UNC5C: variants seen among roughly 807,000 people sequenced by gnomAD.
UNC5C encodes the protein unc-5 netrin receptor C.
UNC5C carries 47 observed loss-of-function variants against 99.8 expected under a neutral mutation model. The ratio of observed to expected loss-of-function variants is 0.47; its 90% CI spans 0.37 to 0.60. The LOEUF (loss-of-function observed/expected upper bound fraction) is 0.60. UNC5C is among the 20% of genes least tolerant of loss of function. The pLI is 0.00. For missense variants in UNC5C, 1,062 were observed against 1,165.9 expected (o/e 0.91, Z 1.30); for synonymous variants, 487 against 452.2 (o/e 1.08, Z -0.98).
intron 12 of UNC5C, among the ~76,000 whole-genome samples, chr4:95,197,848 A>G (rs1269616820): frequency 6.6e-6 from 1 of 152,078 alleles, no homozygotes; most frequent in African/African-American, 2.4e-5. Flanking sequence ...CCTTGGTTAT[A>G]AATTAGAAAA....
chr4:95,495,578 T>C (rs959971344), intron 1 of UNC5C, among the ~76,000 whole-genome samples: 11 of 151,680 alleles, frequency 7.3e-5, no homozygotes, highest in African/African-American at 2.2e-4. Flanking sequence ...TTTCTCTGAA[T>C]CTTCACAACA....
intron 7 of UNC5C, among the ~76,000 whole-genome samples, chr4:95,241,195 G>T (rs1226780555): frequency 6.6e-6 from 1 of 152,150 alleles, no homozygotes; most frequent in Non-Finnish European, 1.5e-5. Flanking sequence ...TAGCAAAGCC[G>T]ATTTTCATTT....
At chr4:95,322,539 A>T (rs6831037) in intron 2 of UNC5C, among the ~76,000 whole-genome samples, 1 of 152,202 alleles carries the variant, frequency 6.6e-6, no homozygotes, top group South Asian at 2.1e-4. Context: ...GAGATTACAT[A>T]TATTATATAT....
intron 14 of UNC5C, among the ~76,000 whole-genome samples, chr4:95,180,695 G>A (rs935365892): frequency 6.6e-5 from 10 of 152,178 alleles, no homozygotes; most frequent in African/African-American, 2.4e-4. Context: ...GGGCTGTGTA[G>A]CTTTATAAAT....
At chr4:95,304,355 G>T (rs7683529) in intron 2 of UNC5C, among the ~76,000 whole-genome samples, 126,541 of 151,890 alleles carry the variant, frequency 0.83, 52,950 homozygotes, top group African/African-American at 0.9. Context: ...AAGATTAGTA[G>T]ATTATGTTAG....
chr4:95,302,524 T>C (rs886954191), intron 2 of UNC5C, among the ~76,000 whole-genome samples: 2 of 152,202 alleles, frequency 1.3e-5, no homozygotes, highest in African/African-American at 4.8e-5. Context: ...ACATTCATTC[T>C]TCAATGTGCC....
At chr4:95,223,862 T>C (rs1280380185) in intron 7 of UNC5C, among the ~76,000 whole-genome samples, 1 of 152,104 alleles carries the variant, frequency 6.6e-6, no homozygotes, top group Non-Finnish European at 1.5e-5. Context: ...AATGCCATCT[T>C]CCTGGAAGTG....
intron 1 of UNC5C, among the ~76,000 whole-genome samples, chr4:95,435,182 GAT>G (rs1746741192): frequency 6.6e-6 from 1 of 152,076 alleles, no homozygotes; most frequent in East Asian, 1.9e-4. Flanking sequence ...TCCCAATTCT[GAT>G]ATCCCTTTCA....
At chr4:95,277,325 A>G (rs1270104778) in intron 4 of UNC5C, among the ~76,000 whole-genome samples, 1 of 152,214 alleles carries the variant, frequency 6.6e-6, no homozygotes, top group Non-Finnish European at 1.5e-5. Flanking sequence ...TTGGAGGCCA[A>G]CAAGGACCAC....
intron 1 of UNC5C, among the ~76,000 whole-genome samples, chr4:95,478,386 C>T (rs1451406689): frequency 6.6e-6 from 1 of 152,000 alleles, no homozygotes; most frequent in East Asian, 1.9e-4. Flanking sequence ...TCAACAATCT[C>T]TCAATCTCTA....
chr4:95,202,798 A>G lies in UNC5C; in HGVS notation c.2069T>C (p.Leu690Pro), dbSNP rs1423412479. 8 of 1,614,236 alleles carry G rather than the reference A, an allele frequency of 5.0e-6. No homozygotes were observed. In the Middle Eastern group the frequency reaches 4.9e-4, roughly 100 times the overall value. ...KRLKLAIFGP[L>P]CCSSLEYSIR... ...GCTGTACTCCAGCGAGGAGCAGCAC[A>G]GGGGCCCAAAGATGGCCAGCTTGAG... The change falls in exon 12 of 16, where the codon CTG (leucine) becomes CCG (proline). Residue 690 changes from leucine to proline, a missense_variant. Physicochemically the swap from Leu to Pro is moderately conservative, Grantham distance 98. This residue lies in a region of UNC5C where 810 missense variants were observed against 854.5 expected (regional missense o/e 0.95). Coordinates refer to ENST00000453304, the MANE Select transcript of UNC5C (RefSeq NM_003728.4).
intron 1 of UNC5C, among the ~76,000 whole-genome samples, chr4:95,466,933 A>G (rs1389332219): frequency 1.3e-5 from 2 of 151,916 alleles, no homozygotes; most frequent in African/African-American, 4.8e-5. Flanking sequence ...AGCTTTAGAG[A>G]GTGGGTAATA....
At chr4:95,527,094 T>C (rs934529577) in intron 1 of UNC5C, among the ~76,000 whole-genome samples, 5 of 152,070 alleles carry the variant, frequency 3.3e-5, no homozygotes, top group Non-Finnish European at 7.4e-5. Flanking sequence ...AATATACCCA[T>C]GCATTTACCC....
intron 1 of UNC5C, among the ~76,000 whole-genome samples, chr4:95,548,512 A>G (rs948379096): frequency 6.6e-6 from 1 of 152,106 alleles, no homozygotes; most frequent in Non-Finnish European, 1.5e-5. Context: ...TCCCTGGTCC[A>G]TTCGTGCCCA....
At chr4:95,369,806 A>G (rs549741564) in intron 1 of UNC5C, among the ~76,000 whole-genome samples, 2 of 152,302 alleles carry the variant, frequency 1.3e-5, no homozygotes, top group Admixed American at 1.3e-4. Flanking sequence ...TAGGTAAAAT[A>G]TGAATAAATA....
At chr4:95,351,279 A>G (rs1015176091) in intron 1 of UNC5C, among the ~76,000 whole-genome samples, 3 of 151,104 alleles carry the variant, frequency 2.0e-5, no homozygotes, top group East Asian at 1.9e-4. Context: ...TCACTGCTGC[A>G]TAACCAATGT....
chr4:95,207,740 C>G (rs1454436154), intron 10 of UNC5C, among the ~76,000 whole-genome samples: 1 of 152,192 alleles, frequency 6.6e-6, no homozygotes. Context: ...CACCTTCCAT[C>G]CAGCCAGAAC....
chr4:95,536,643 T>A (rs1420279956), intron 1 of UNC5C, among the ~76,000 whole-genome samples: 1 of 152,108 alleles, frequency 6.6e-6, no homozygotes, highest in Non-Finnish European at 1.5e-5. Context: ...CATTTCACAA[T>A]AGAATTAAGT....
intron 4 of UNC5C, among the ~76,000 whole-genome samples, chr4:95,266,523 C>T (rs1740453312): frequency 6.6e-6 from 1 of 152,164 alleles, no homozygotes; most frequent in Non-Finnish European, 1.5e-5. Context: ...TACTTGTGTG[C>T]AGTGTGATTT....
Sources: gnomAD v4.1 joint callset for allele counts (sites outside exome capture counted in the v4.1 genomes callset) on GRCh38, gnomAD v4.1.1 for gene constraint, gnomAD v4.1.1 regional missense constraint, MANE v1.5 for transcripts, NCBI Gene and HGNC (gene_info 2026-07-23, HGNC 2026-07-21) for gene names.